Variants in FAM171A1 observed in about 807,000 individuals in gnomAD.
FAM171A1 encodes the protein protein FAM171A1.
A neutral mutation model predicts 74.9 loss-of-function variants in FAM171A1; 23 were observed. The ratio of observed to expected loss-of-function variants is 0.31; its 90% CI spans 0.22 to 0.44. The LOEUF (loss-of-function observed/expected upper bound fraction) is 0.44. Ranked by LOEUF, FAM171A1 falls within the 20% of genes least tolerant of loss-of-function variation. The pLI, the probability that FAM171A1 is intolerant of heterozygous loss-of-function variation, is 1.00. For missense variants in FAM171A1, 1,162 were observed against 1,159.2 expected (o/e 1.00, Z -0.03); for synonymous variants, 527 against 505.7 (o/e 1.04, Z -0.57).
chr10:15,242,792 A>C (rs1239406308), intron 5 of FAM171A1, among the ~76,000 whole-genome samples: 4 of 149,650 alleles, frequency 2.7e-5, no homozygotes, highest in Non-Finnish European at 5.9e-5. Flanking sequence ...CTCCGTCTCA[A>C]AAAAAAAAGG....
chr10:15,244,449 A>G lies in FAM171A1; in HGVS notation c.754+4190T>C, dbSNP rs1588508797. Among the ~76,000 whole-genome samples, 3 of 152,296 alleles carry G rather than the reference A, an allele frequency of 2.0e-5. No individual in the cohort carries two copies. In the South Asian group the frequency reaches 6.2e-4, roughly 32 times the overall value. ...TGGGAGGATTGCTTCAGCTCTTGAG[A>G]TAGAGACTGTAGTGAGCTATGATCA... is the stretch of plus-strand genomic sequence containing the variant. On this transcript the variant is annotated intron_variant, in intron 5 of 7. Coordinates refer to ENST00000378116, the MANE Select transcript of FAM171A1 (RefSeq NM_001010924.2).
chr10:15,287,628 T>C (rs1835053637), intron 1 of FAM171A1, among the ~76,000 whole-genome samples: 1 of 152,156 alleles, frequency 6.6e-6, no homozygotes, highest in African/African-American at 2.4e-5. Flanking sequence ...CCTGGTGATC[T>C]GCCCGCCTTG....
chr10:15,262,387 A>G (rs1834669491), intron 3 of FAM171A1, among the ~76,000 whole-genome samples: 1 of 152,190 alleles, frequency 6.6e-6, no homozygotes, highest in African/African-American at 2.4e-5. Context: ...CTATTTTTGA[A>G]ATAAGAGATA....
chr10:15,254,398 T>A (rs916769938), intron 4 of FAM171A1, among the ~76,000 whole-genome samples: 1 of 152,204 alleles, frequency 6.6e-6, no homozygotes, highest in Non-Finnish European at 1.5e-5. Context: ...TCTAATCTTA[T>A]ACTTAAAAAA....
In FAM171A1 at chr10:15,228,235, T is replaced by C. The variant is rs185410382; in HGVS notation, c.755-7175A>G. ...GACAGACCTGATATTACAAGCACTA[T>C]TGACTTTGAAAAGATCGGACCTGAA... On this transcript the variant is annotated intron_variant, in intron 5 of 7. Transcript: ENST00000378116. Among the ~76,000 whole-genome samples the C allele has an allele frequency of 1.1e-4, 16 of 152,230 alleles. No homozygotes were observed. The South Asian group carries it at 1.2e-3, about 12-fold the overall frequency.
At chr10:15,292,733 G>A (rs569068977) in intron 1 of FAM171A1, among the ~76,000 whole-genome samples, 101 of 152,086 alleles carry the variant, frequency 6.6e-4, no homozygotes, top group South Asian at 2.3e-3. Context: ...CAATCCACCC[G>A]TCTCGTCCTC....
intron 4 of FAM171A1, among the ~76,000 whole-genome samples, chr10:15,251,879 G>A (rs1834513221): frequency 6.6e-6 from 1 of 152,156 alleles, no homozygotes; most frequent in African/African-American, 2.4e-5. Context: ...ACAAGCAGGT[G>A]TCAGGCAAAT....
intron 1 of FAM171A1, among the ~76,000 whole-genome samples, chr10:15,306,668 G>A (rs1835299789): frequency 1.3e-5 from 2 of 152,124 alleles, no homozygotes; most frequent in African/African-American, 4.8e-5. Context: ...GCCTGGCATA[G>A]CCATTCTTTT....
chr10:15,228,625 G>A (rs1834140907), intron 5 of FAM171A1, among the ~76,000 whole-genome samples: 1 of 152,202 alleles, frequency 6.6e-6, no homozygotes, highest in African/African-American at 2.4e-5. Context: ...GGGGTTGCAG[G>A]CGTGCGCCCC....
intron 1 of FAM171A1, among the ~76,000 whole-genome samples, chr10:15,351,895 A>G (rs2131880733): frequency 6.6e-6 from 1 of 152,230 alleles, no homozygotes; most frequent in Non-Finnish European, 1.5e-5. Flanking sequence ...TCTACAAAAA[A>G]TACAAAAATT....
intron 1 of FAM171A1, among the ~76,000 whole-genome samples, chr10:15,349,537 G>A (rs1359428012): frequency 1.3e-5 from 2 of 152,126 alleles, no homozygotes; most frequent in African/African-American, 4.8e-5. Context: ...TAGCCACACT[G>A]AGATGGCTCC....
intron 1 of FAM171A1, among the ~76,000 whole-genome samples, chr10:15,369,199 T>TTATATATATATTGAATATATA (rs1554758706): frequency 1.4e-4 from 21 of 147,576 alleles, no homozygotes; most frequent in African/African-American, 5.1e-4. Context: ...CCTAAACCTG[T>TTATATATATATTGAATATATA]TATATATATA....
rs190674524 is a variant in FAM171A1 at position 15,245,514 on chromosome 10, C to G, written c.754+3125G>C. Reference sequence around the variant, plus strand: ...TCAATCTCTCCAAATATACATATATCTCCTATTGGCTCTGTTTCTTTAGAG... The same window carrying G: ...TCAATCTCTCCAAATATACATATATGTCCTATTGGCTCTGTTTCTTTAGAG... On this transcript the variant is annotated intron_variant, in intron 5 of 7. Coordinates refer to ENST00000378116, the MANE Select transcript of FAM171A1 (RefSeq NM_001010924.2). Among the ~76,000 whole-genome samples, 7 of 152,364 alleles carry G rather than the reference C, an allele frequency of 4.6e-5. No homozygotes were observed. The East Asian group carries it at 1.2e-3, about 25-fold the overall frequency.
intron 5 of FAM171A1, among the ~76,000 whole-genome samples, chr10:15,228,515 G>T (rs573361426): frequency 2.3e-4 from 35 of 151,998 alleles, no homozygotes; most frequent in African/African-American, 8.0e-4. Context: ...GCTGATTTTT[G>T]TATTTTTTAG....
At chr10:15,324,649 G>T (rs1009733848) in intron 1 of FAM171A1, among the ~76,000 whole-genome samples, 1 of 151,916 alleles carries the variant, frequency 6.6e-6, no homozygotes, top group Non-Finnish European at 1.5e-5. Flanking sequence ...TCTAACCAAG[G>T]AATGTTTAGA....
chr10:15,270,870 A>G (rs1207364101), intron 3 of FAM171A1, among the ~76,000 whole-genome samples: 1 of 152,194 alleles, frequency 6.6e-6, no homozygotes, highest in Admixed American at 6.5e-5. Flanking sequence ...CCAAAACCCC[A>G]TCTGTACGTC....
chr10:15,215,444 C>A (rs986307583), intron 7 of FAM171A1, among the ~76,000 whole-genome samples: 1 of 152,130 alleles, frequency 6.6e-6, no homozygotes, highest in Non-Finnish European at 1.5e-5. Flanking sequence ...TGGCTCACTG[C>A]AACCTCCACC....
rs140955095 is a variant in FAM171A1, at chr10:15,295,520, A to C, written c.98-11415T>G. 5.0e-3 allele frequency among the ~76,000 whole-genome samples: 759 copies of C among 151,990 alleles called. 8 individuals are homozygous for C. Among genetic ancestry groups the C allele is most frequent in the African/African-American group, 0.017 (699 of 41,444 alleles). ...TAAAGTTTGTGGGCTCCATTTTTTA[A>C]ATTTGTTTCATTTGTTTGTTTCTGT... On this transcript the variant is annotated intron_variant, in intron 1 of 7. Transcript: ENST00000378116.
At chr10:15,337,693 A>G (rs1170870162) in intron 1 of FAM171A1, among the ~76,000 whole-genome samples, 3 of 152,102 alleles carry the variant, frequency 2.0e-5, no homozygotes, top group Admixed American at 2.0e-4. Context: ...TTACGCCTGC[A>G]ATCCCAGCAC....
Sources: allele counts gnomAD v4.1 joint callset (sites outside exome capture counted in the v4.1 genomes callset), GRCh38; gene constraint gnomAD v4.1.1; transcripts MANE v1.5; gene names NCBI Gene and HGNC (gene_info 2026-07-23, HGNC 2026-07-21).